Variants in CNOT6 observed in about 807,000 individuals in gnomAD.
CNOT6 encodes the protein CCR4-NOT transcription complex subunit 6, also known as carbon catabolite repression 4 protein.
In CNOT6, 12 loss-of-function variants were observed where a neutral mutation model predicts 61.2. The ratio of observed to expected loss-of-function variants is 0.20; its 90% CI spans 0.13 to 0.32. The LOEUF is 0.32. Ranked by LOEUF, CNOT6 falls within the 10% of genes least tolerant of loss-of-function variation. CNOT6 has a pLI of 1.00. For synonymous variants in CNOT6, 225 were observed against 240.6 expected (o/e 0.94, Z 0.60); for missense variants, 405 against 663.9 (o/e 0.61, Z 4.28).
chr5:180,509,353 T>C (rs868195706), intron 1 of CNOT6, among the ~76,000 whole-genome samples: 27 of 152,242 alleles, frequency 1.8e-4, no homozygotes, highest in African/African-American at 6.3e-4. Flanking sequence ...GGTCTTGAAC[T>C]CCTGGGCTCA....
intron 1 of CNOT6, among the ~76,000 whole-genome samples, chr5:180,518,272 C>G (rs1020928086): frequency 6.6e-6 from 1 of 152,128 alleles, no homozygotes; most frequent in South Asian, 2.1e-4. Context: ...TTAGACTTAG[C>G]TTTTTGGCAC....
chr5:180,509,434 T>A (rs928919758), intron 1 of CNOT6, among the ~76,000 whole-genome samples: 42 of 152,160 alleles, frequency 2.8e-4, no homozygotes, highest in Admixed American at 4.6e-4. Context: ...CGGCCCTGAT[T>A]TTTTTTGTTT....
intron 2 of CNOT6, among the ~76,000 whole-genome samples, chr5:180,540,001 G>A (rs183563501): frequency 1.9e-3 from 295 of 152,152 alleles, no homozygotes; most frequent in Middle Eastern, 3.4e-3. Context: ...CACAACTGTG[G>A]GAACTTGCTT....
intron 4 of CNOT6, among the ~76,000 whole-genome samples, chr5:180,561,217 G>T (rs1167039409): frequency 1.3e-5 from 2 of 152,170 alleles, no homozygotes; most frequent in Non-Finnish European, 2.9e-5. Context: ...CCTCCAAAGT[G>T]CTGGGATTAT....
Position 180,530,321 on chromosome 5 carries a change from TGACA to T in CNOT6, c.112+934_112+937del, listed in dbSNP as rs1489078173. The stretch of plus-strand genomic sequence containing the variant: ...AAAGTCCCGCTTTTTATGGAGCTTA[TGACA>T]TTAGGGAGTGAGAGGGAGTGCACAA... On this transcript the variant is annotated intron_variant, in intron 2 of 11. Coordinates refer to ENST00000261951, the MANE Select transcript of CNOT6 (RefSeq NM_001370472.1). Among the ~76,000 whole-genome samples, 6 of 152,340 alleles carry T rather than the reference TGACA, an allele frequency of 3.9e-5. No homozygotes were observed. In the East Asian group the frequency reaches 1.2e-3, roughly 29 times the overall value.
At chr5:180,547,255 C>CA (rs1447949389) in intron 2 of CNOT6, among the ~76,000 whole-genome samples, 2 of 151,962 alleles carry the variant, frequency 1.3e-5, no homozygotes. Flanking sequence ...CGCTGTGCCT[C>CA]ACGCCTGTAT....
At chr5:180,515,524 G>A (rs759880069) in intron 1 of CNOT6, among the ~76,000 whole-genome samples, 16 of 152,222 alleles carry the variant, frequency 1.1e-4, no homozygotes, top group Admixed American at 2.0e-4. Context: ...GCCATCTAAA[G>A]TTTTAATAGG....
rs781080043 is a variant in CNOT6, at chr5:180,567,817, G to C, written c.873-32G>C. 7.9e-6 allele frequency: 7 copies of C among 880,730 alleles called. No homozygotes were observed. In the Admixed American group the frequency reaches 1.2e-4, roughly 15 times the overall value. The allele number at this position is 880,730 out of a possible 1,614,324, so 54.6% of individuals were successfully genotyped here. On this transcript the variant is annotated intron_variant, in intron 8 of 11. Coordinates refer to ENST00000261951, the MANE Select transcript of CNOT6 (RefSeq NM_001370472.1). ...CTAACCTCTTGGTATTCCCAACTCTGTGTGTGTGTGTGTGTGTTGTTTTTG... is the reference window on the plus strand; with the variant it reads ...CTAACCTCTTGGTATTCCCAACTCTCTGTGTGTGTGTGTGTGTTGTTTTTG...
intron 2 of CNOT6, among the ~76,000 whole-genome samples, chr5:180,535,991 T>G (rs1414796101): frequency 5.2e-4 from 8 of 15,426 alleles, no homozygotes; most frequent in African/African-American, 7.1e-4. Flanking sequence ...TATTAGGGTT[T>G]TTTTTTTTTT....
chr5:180,567,376 T>G, intron 8 of CNOT6, 134 bp downstream of exon 8: 1 of 771,012 alleles, frequency 1.3e-6, no homozygotes, highest in Non-Finnish European at 2.0e-6. Context: ...CTGTTTGACC[T>G]AGGGGGTTTT....
intron 1 of CNOT6, among the ~76,000 whole-genome samples, chr5:180,505,142 A>G (rs1350560702): frequency 6.8e-6 from 1 of 147,368 alleles, no homozygotes; most frequent in African/African-American, 2.5e-5. Flanking sequence ...TTGTATTTTT[A>G]GTAGAGACGG....
chr5:180,519,789 A>G (rs911417265), intron 1 of CNOT6, among the ~76,000 whole-genome samples: 19 of 143,484 alleles, frequency 1.3e-4, no homozygotes, highest in Non-Finnish European at 2.9e-4. Context: ...ATTGTTCAGT[A>G]GTATTTAGTG....
chr5:180,531,713 A>T (rs1006673936), intron 2 of CNOT6, among the ~76,000 whole-genome samples: 1 of 152,208 alleles, frequency 6.6e-6, no homozygotes. Flanking sequence ...CTGAGTGAGC[A>T]AAACTCCGTC....
At position 180,576,695 on chromosome 5, in the gene CNOT6, G is replaced by T. The variant is rs1215535409; in HGVS notation, c.*2495G>T. The T allele has an allele frequency of 6.6e-6, 1 of 152,198 alleles. No homozygotes were observed. Among genetic ancestry groups the T allele is most frequent in the East Asian group, 1.9e-4 (1 of 5,192 alleles). The allele number at this position is 152,198 out of a possible 1,614,324, so 9.4% of individuals were successfully genotyped here. A position where few individuals can be genotyped will look rare whatever the true frequency, so the allele number is the denominator to read the frequency against. On this transcript the variant is annotated 3_prime_UTR_variant, in exon 12 of 12. Coordinates refer to ENST00000261951, the MANE Select transcript of CNOT6 (RefSeq NM_001370472.1). ...ATTTGGGGTCTGTAGGTAATGAACA[G>T]TCACACCAAAATAGACTATGATGCT...
chr5:180,536,240 C>T (rs182678446), intron 2 of CNOT6, among the ~76,000 whole-genome samples: 5,155 of 151,920 alleles, frequency 0.034, 127 homozygotes, highest in Non-Finnish European at 0.05. Flanking sequence ...ACCTTGTGAT[C>T]CGCCTGCCTT....
chr5:180,549,861 T>C, intron 2 of CNOT6, 70 bp from the exon 3 acceptor site: 1 of 1,182,810 alleles, frequency 8.5e-7, no homozygotes, highest in South Asian at 1.5e-5. Context: ...CATCTAAATC[T>C]TACTGAAATC....
intron 1 of CNOT6, among the ~76,000 whole-genome samples, chr5:180,520,213 T>C (rs912389967): frequency 1.3e-5 from 2 of 152,252 alleles, no homozygotes; most frequent in Non-Finnish European, 2.9e-5. Flanking sequence ...AACTATATTG[T>C]CAACCTGAAA....
intron 4 of CNOT6, among the ~76,000 whole-genome samples, chr5:180,561,149 T>G (rs531277972): frequency 1.1e-4 from 16 of 152,256 alleles, no homozygotes; most frequent in African/African-American, 3.9e-4. Context: ...GACGAGATTT[T>G]GCCATGTTAA....
chr5:180,514,891 A>G (rs1342398936), intron 1 of CNOT6, among the ~76,000 whole-genome samples: 1 of 152,192 alleles, frequency 6.6e-6, no homozygotes, highest in Non-Finnish European at 1.5e-5. Context: ...AGACCAGTTC[A>G]TTAGCGTAAT....
Sources: allele counts gnomAD v4.1 joint callset (sites outside exome capture counted in the v4.1 genomes callset), GRCh38; gene constraint gnomAD v4.1.1; transcripts MANE v1.5; gene names NCBI Gene and HGNC (gene_info 2026-07-23, HGNC 2026-07-21).